Variants in NCKAP1 observed in about 807,000 individuals in gnomAD.
NCKAP1 encodes NCK associated protein 1.
A neutral mutation model predicts 151.2 loss-of-function variants in NCKAP1; 21 were observed. That is an observed-to-expected ratio of 0.14 (90% confidence interval 0.10 to 0.20). The LOEUF is 0.20. Among genes scored for constraint, NCKAP1 ranks in the 10% least tolerant of loss-of-function variants. The pLI is 1.00. For missense variants in NCKAP1, 933 were observed against 1,352.1 expected, an observed-to-expected ratio of 0.69 and a Z score of 4.86; for synonymous variants, 484 against 451.8, an observed-to-expected ratio of 1.07 and a Z score of -0.90.
At chr2:182,952,574 TACA>T (rs1575026140) in intron 22 of NCKAP1, 72 bp from the exon 23 acceptor site, 4 of 1,200,344 alleles carry the variant, frequency 3.3e-6, no homozygotes, top group Non-Finnish European at 4.7e-6. Flanking sequence ...ATTAACACAA[TACA>T]ACATCTCATT....
At chr2:183,018,593 A>G (rs1450117843) in intron 2 of NCKAP1, among the ~76,000 whole-genome samples, 2 of 152,138 alleles carry the variant, frequency 1.3e-5, no homozygotes, top group Non-Finnish European at 2.9e-5. Flanking sequence ...CTCTTGCTCT[A>G]TTTCTGGGTG....
chr2:182,957,537 C>A lies in NCKAP1; in HGVS notation c.1941G>T (p.Lys647Asn), dbSNP rs1482735707. 2 of 1,613,866 alleles carry A rather than the reference C, an allele frequency of 1.2e-6. No individual in the cohort carries two copies. Reference sequence around the variant, plus strand: ...CAGGTTCCCCTTTCTTACCAGTCTGCTTTTTTGATTTCTTATTCACTGCTT... The same window carrying A: ...CAGGTTCCCCTTTCTTACCAGTCTGATTTTTTGATTTCTTATTCACTGCTT... ...ISQAVNKKSK[K>N]QTGKKGEPER... The change falls in exon 19 of 31, where the codon AAG becomes AAT. Residue 647 changes from lysine (K) to asparagine (N), a missense_variant. Lys to Asn is a moderately conservative substitution (Grantham distance 94, BLOSUM62 0). This residue lies in a region of NCKAP1 where 607 missense variants were observed against 795.0 expected (regional missense o/e 0.76). Transcript: ENST00000361354.
At chr2:183,017,725 G>GT (rs1444030673) in intron 2 of NCKAP1, among the ~76,000 whole-genome samples, 2 of 152,160 alleles carry the variant, frequency 1.3e-5, no homozygotes, top group African/African-American at 4.8e-5. Flanking sequence ...AGCCACAGCA[G>GT]TAAGTGTTTT....
rs1698399894 is a variant in NCKAP1, at chr2:183,002,857, TTAA to T, written c.369+114_369+116del. 1.2e-5 allele frequency: 8 copies of T among 668,258 alleles called. No homozygotes were observed. In the East Asian group the frequency reaches 2.2e-4, roughly 19 times the overall value. The allele number at this position is 668,258 out of a possible 1,614,324, so 41.4% of individuals were successfully genotyped here. A position where few individuals can be genotyped will look rare whatever the true frequency, so the allele number is the denominator to read the frequency against. On this transcript the variant is annotated intron_variant, in intron 4 of 30. Coordinates refer to ENST00000361354, the MANE Select transcript of NCKAP1 (RefSeq NM_013436.5). Reference sequence around the variant, plus strand: ...TAAAAAAGCTATAAAACAAGCCAAATTAATAATGCTAAAACTTTATATGCTAGT... The same window carrying T: ...TAAAAAAGCTATAAAACAAGCCAAATTAATGCTAAAACTTTATATGCTAGT...
chr2:183,012,171 A>G (rs957289819), intron 2 of NCKAP1, among the ~76,000 whole-genome samples: 1 of 152,224 alleles, frequency 6.6e-6, no homozygotes, highest in African/African-American at 2.4e-5. Flanking sequence ...GGTTTTCACC[A>G]ACTGGCAATA....
At chr2:182,944,974 C>A (rs917785015) in intron 23 of NCKAP1, among the ~76,000 whole-genome samples, 6 of 152,094 alleles carry the variant, frequency 3.9e-5, no homozygotes, top group Non-Finnish European at 8.8e-5. Flanking sequence ...GTGGCTCACA[C>A]CTGTAATCTC....
chr2:182,994,312 T>G (rs900925085), intron 8 of NCKAP1, among the ~76,000 whole-genome samples: 2 of 152,146 alleles, frequency 1.3e-5, no homozygotes, highest in African/African-American at 4.8e-5. Flanking sequence ...TCACTAGCTG[T>G]GTGGCCTAAG....
intron 23 of NCKAP1, 144 bp from the exon 24 acceptor site, chr2:182,942,307 G>A (rs1247016226): frequency 7.5e-6 from 4 of 533,982 alleles, no homozygotes; most frequent in Non-Finnish European, 1.3e-5. Context: ...TTTTTTTGTT[G>A]TTTCAATAAA....
chr2:182,989,297 G>T, intron 8 of NCKAP1, 111 bp from the exon 9 acceptor site: 1 of 754,704 alleles, frequency 1.3e-6, no homozygotes, highest in Non-Finnish European at 2.1e-6. Context: ...ACTAAATTGA[G>T]GCTTCTGAGT....
intron 23 of NCKAP1, among the ~76,000 whole-genome samples, chr2:182,943,978 G>C (rs983398535): frequency 6.6e-6 from 1 of 152,146 alleles, no homozygotes; most frequent in Non-Finnish European, 1.5e-5. Flanking sequence ...ATTCTCTAGA[G>C]AACTCCTTAC....
intron 10 of NCKAP1, among the ~76,000 whole-genome samples, chr2:182,985,522 G>A (rs1010412991): frequency 2.0e-5 from 3 of 150,414 alleles, no homozygotes; most frequent in African/African-American, 7.5e-5. Context: ...GTAAATATTT[G>A]CCGGGCACGG....
intron 4 of NCKAP1, among the ~76,000 whole-genome samples, 160 bp from the exon 5 acceptor site, chr2:183,002,429 T>G (rs934952986): frequency 6.6e-6 from 1 of 152,136 alleles, no homozygotes; most frequent in Non-Finnish European, 1.5e-5. Flanking sequence ...CATCTAAAAT[T>G]TGACAGTTAC....
chr2:182,982,195 T>A (rs1291001619), intron 12 of NCKAP1, among the ~76,000 whole-genome samples: 1 of 152,096 alleles, frequency 6.6e-6, no homozygotes, highest in African/African-American at 2.4e-5. Flanking sequence ...TTACTGAGCA[T>A]AGCAAGAAAA....
At chr2:182,961,041 T>C (rs939333099) in intron 18 of NCKAP1, among the ~76,000 whole-genome samples, 3 of 152,148 alleles carry the variant, frequency 2.0e-5, no homozygotes, top group African/African-American at 7.2e-5. Flanking sequence ...GATACCATCT[T>C]ACACCAGTTA....
intron 15 of NCKAP1, among the ~76,000 whole-genome samples, chr2:182,968,352 G>A (rs1697618873): frequency 1.3e-5 from 2 of 152,170 alleles, no homozygotes; most frequent in African/African-American, 4.8e-5. Flanking sequence ...ATTAGATATA[G>A]TGGGAAACAG....
At position 182,944,186 on chromosome 2, in the gene NCKAP1, C is replaced by T. The variant is rs572750294; in HGVS notation, c.2602-2023G>A. ...TCTATAAAGTTATTGATTAATCTCA[C>T]TGATGAATAAACTGAAAGCTGGCAG... On this transcript the variant is annotated intron_variant, in intron 23 of 30. Transcript: ENST00000361354. Among the ~76,000 whole-genome samples, 284 of 152,170 alleles carry T rather than the reference C, an allele frequency of 1.9e-3. 10 individuals carry two copies. In the South Asian group the frequency reaches 0.056, roughly 30 times the overall value.
rs758182512 is a variant in NCKAP1, at chr2:182,956,458, T to C, written c.2153+4A>G. ...AAACAAAAACAGTCAATATTCTTTC[T>C]TACTTGGTAAAGCGTATTTCCAGAT... On this transcript the variant is annotated splice_donor_region_variant and intron_variant, in intron 20 of 30. Coordinates refer to ENST00000361354, the MANE Select transcript of NCKAP1 (RefSeq NM_013436.5). The C allele has an allele frequency of 6.2e-7, 1 of 1,608,926 alleles. No individual in the cohort carries two copies. The highest frequency in any genetic ancestry group is 1.1e-5 in the South Asian group (1 of 89,338).
chr2:182,976,705 A>T (rs1697831510), intron 15 of NCKAP1, among the ~76,000 whole-genome samples, 188 bp downstream of exon 15: 1 of 152,134 alleles, frequency 6.6e-6, no homozygotes, highest in Non-Finnish European at 1.5e-5. Flanking sequence ...TCAAAAACTC[A>T]TATTGGCTTA....
intron 17 of NCKAP1, among the ~76,000 whole-genome samples, chr2:182,963,102 C>T (rs1697491535): frequency 6.6e-6 from 1 of 151,790 alleles, no homozygotes; most frequent in Non-Finnish European, 1.5e-5. Flanking sequence ...TATAAAAATA[C>T]TTGAGCATAG....
Sources: gnomAD v4.1 joint callset for allele counts (sites outside exome capture counted in the v4.1 genomes callset) on GRCh38, gnomAD v4.1.1 for gene constraint, gnomAD v4.1.1 regional missense constraint, MANE v1.5 for transcripts, NCBI Gene and HGNC (gene_info 2026-07-23, HGNC 2026-07-21) for gene names.